TTC28: variants seen among roughly 807,000 people sequenced by gnomAD.
TTC28 encodes the protein tetratricopeptide repeat domain 28, also known as tetratricopeptide repeat protein 28.
A neutral mutation model predicts 198.0 loss-of-function variants in TTC28; 61 were observed. The observed-to-expected ratio is 0.31, with a 90% CI of 0.25 to 0.38. The LOEUF is 0.38. TTC28 is among the 10% of genes least tolerant of loss of function. The pLI is 1.00. For synonymous variants in TTC28, 1,171 were observed against 1,297.8 expected (o/e 0.90, Z 2.10); for missense variants, 2,678 against 3,164.0 (o/e 0.85, Z 3.69).
chr22:28,516,824 A>G (rs2048798237), intron 2 of TTC28, among the ~76,000 whole-genome samples: 1 of 152,234 alleles, frequency 6.6e-6, no homozygotes, highest in Non-Finnish European at 1.5e-5. Flanking sequence ...CAGATATGTT[A>G]ATCAGCTTGA....
At chr22:28,612,533 G>A (rs1243233294) in intron 2 of TTC28, among the ~76,000 whole-genome samples, 16 of 152,134 alleles carry the variant, frequency 1.1e-4, no homozygotes, top group Admixed American at 1.0e-3. Flanking sequence ...ATTCTTCTCA[G>A]CACCACATCA....
intron 2 of TTC28, among the ~76,000 whole-genome samples, chr22:28,360,590 T>G (rs886843864): frequency 4.6e-5 from 7 of 152,178 alleles, no homozygotes; most frequent in Non-Finnish European, 7.3e-5. Context: ...ATAGTAAATC[T>G]GAAACACAGA....
intron 5 of TTC28, among the ~76,000 whole-genome samples, chr22:28,230,113 G>A (rs1928690700): frequency 6.6e-6 from 1 of 152,206 alleles, no homozygotes. Flanking sequence ...CATCCTGCAA[G>A]AGCAGATTCT....
intron 2 of TTC28, among the ~76,000 whole-genome samples, chr22:28,504,359 G>T (rs1427221428): frequency 6.6e-6 from 1 of 151,580 alleles, no homozygotes; most frequent in Non-Finnish European, 1.5e-5. Flanking sequence ...ATATAGCTAT[G>T]TGTGTGTGTG....
chr22:28,373,559 T>C (rs1300905746), intron 2 of TTC28, among the ~76,000 whole-genome samples: 1 of 152,236 alleles, frequency 6.6e-6, no homozygotes, highest in Admixed American at 6.5e-5. Flanking sequence ...ATTTTAATTA[T>C]GAGCAAGTAC....
intron 2 of TTC28, among the ~76,000 whole-genome samples, chr22:28,390,961 A>T (rs1472108138): frequency 1.3e-5 from 2 of 152,102 alleles, no homozygotes; most frequent in African/African-American, 4.8e-5. Context: ...TTTTGGCATG[A>T]TTTTGCAGCG....
intron 6 of TTC28, among the ~76,000 whole-genome samples, chr22:28,124,429 GCTAAAATTATTGAAAC>G (rs1942867810): frequency 6.6e-6 from 1 of 152,128 alleles, no homozygotes. Flanking sequence ...CATTCTAATA[GCTAAAATTATTGAAAC>G]CTATGTGCCA....
intron 5 of TTC28, among the ~76,000 whole-genome samples, chr22:28,228,068 T>C (rs969833239): frequency 6.6e-6 from 1 of 152,004 alleles, no homozygotes; most frequent in African/African-American, 2.4e-5. Flanking sequence ...GCATGCTACA[T>C]GAATAAACCT....
chr22:28,415,764 T>C (rs891644579), intron 2 of TTC28, among the ~76,000 whole-genome samples: 6 of 152,190 alleles, frequency 3.9e-5, no homozygotes, highest in Admixed American at 3.3e-4. Context: ...AGGAAAGGGA[T>C]CACACCACTG....
intron 12 of TTC28, among the ~76,000 whole-genome samples, chr22:28,084,584 A>C (rs1368511537): frequency 6.6e-6 from 1 of 152,202 alleles, no homozygotes; most frequent in Admixed American, 6.5e-5. Context: ...AAAAACTGGA[A>C]ACTCTAAAAA....
chr22:28,615,777 C>T (rs2050895344), intron 2 of TTC28, among the ~76,000 whole-genome samples: 1 of 137,704 alleles, frequency 7.3e-6, no homozygotes, highest in East Asian at 2.1e-4. Flanking sequence ...GGAAACATCA[C>T]ACATCGGGGC....
intron 12 of TTC28, among the ~76,000 whole-genome samples, chr22:28,060,576 T>C (rs997672063): frequency 2.0e-5 from 3 of 152,246 alleles, no homozygotes; most frequent in East Asian, 1.9e-4. Context: ...TGTGTCTTTA[T>C]AGCAGCATGA....
In TTC28 at chr22:28,653,935, A is replaced by G. The variant is rs1174743624; in HGVS notation, c.103-24105T>C. ...ACACTTAAGTCTTCTGTCTTCAGAT[A>G]TTGTGCACTCTCAAATGTCTTGTAT... On this transcript the variant is annotated intron_variant, in intron 1 of 22. Transcript: ENST00000397906. Among the ~76,000 whole-genome samples the G allele has an allele frequency of 2.6e-5, 4 of 152,204 alleles. No homozygotes were observed. The East Asian group carries it at 5.8e-4, about 22-fold the overall frequency.
intron 5 of TTC28, among the ~76,000 whole-genome samples, chr22:28,174,058 C>T (rs971506208): frequency 6.6e-5 from 10 of 152,094 alleles, no homozygotes; most frequent in African/African-American, 2.2e-4. Flanking sequence ...CAGTTCAGCG[C>T]CCATAAACCA....
chr22:28,657,999 T>C (rs1474943904), intron 1 of TTC28, among the ~76,000 whole-genome samples: 1 of 152,208 alleles, frequency 6.6e-6, no homozygotes, highest in African/African-American at 2.4e-5. Context: ...TTTGCATAAA[T>C]GGAAATTTAG....
chr22:28,630,252 T>C (rs1051206237), intron 1 of TTC28, among the ~76,000 whole-genome samples: 1 of 152,180 alleles, frequency 6.6e-6, no homozygotes, highest in Non-Finnish European at 1.5e-5. Flanking sequence ...TAACCCTTTT[T>C]TATTTATAGA....
chr22:28,013,625 GGCTC>G (rs1938241381), intron 14 of TTC28, among the ~76,000 whole-genome samples: 2 of 152,184 alleles, frequency 1.3e-5, no homozygotes, highest in Non-Finnish European at 2.9e-5. Context: ...GCATAGCCCT[GGCTC>G]GAAGTTGCTC....
chr22:28,673,103 G>A (rs567611444), intron 1 of TTC28, among the ~76,000 whole-genome samples: 3 of 152,264 alleles, frequency 2.0e-5, no homozygotes, highest in East Asian at 1.9e-4. Flanking sequence ...GGCCGGGAGC[G>A]GTGGCTCACA....
chr22:28,337,840 A>G (rs1382370810), intron 2 of TTC28, among the ~76,000 whole-genome samples: 1 of 152,138 alleles, frequency 6.6e-6, no homozygotes, highest in Non-Finnish European at 1.5e-5. Context: ...GCCCATTTAC[A>G]TTTAAGGTTA....
Sources: gnomAD v4.1 joint callset for allele counts (sites outside exome capture counted in the v4.1 genomes callset) on GRCh38, gnomAD v4.1.1 for gene constraint, MANE v1.5 for transcripts, NCBI Gene and HGNC (gene_info 2026-07-23, HGNC 2026-07-21) for gene names.